ZFAND5: variants seen among roughly 807,000 people sequenced by gnomAD.
The protein encoded by ZFAND5 is AN1-type zinc finger protein 5.
Under a neutral mutation model 23.6 loss-of-function variants are expected in ZFAND5, and 4 were observed. The observed-to-expected ratio is 0.17, with a 90% CI of 0.08 to 0.39. The LOEUF (loss-of-function observed/expected upper bound fraction) is 0.39, where lower values mean the gene tolerates loss of function less well. Ranked by LOEUF, ZFAND5 falls within the 10% of genes least tolerant of loss-of-function variation. The probability of loss-of-function intolerance (pLI) is 1.00; values close to 1 mark genes in which losing one functional copy is unlikely to be tolerated. For synonymous variants in ZFAND5, 68 were observed against 80.6 expected (o/e 0.84, Z 0.84); for missense variants, 161 against 253.7 (o/e 0.63, Z 2.48).
chr9:72,358,292 A>G (rs574429467), intron 5 of ZFAND5, among the ~76,000 whole-genome samples: 2 of 152,232 alleles, frequency 1.3e-5, no homozygotes, highest in East Asian at 1.9e-4. Flanking sequence ...AGAATAATCT[A>G]GGGGAATAGT....
chr9:72,359,641 ATAATC>A (rs1364022977), intron 4 of ZFAND5, 120 bp from the exon 5 acceptor site: 11 of 954,496 alleles, frequency 1.2e-5, no homozygotes, highest in Non-Finnish European at 1.2e-5. Flanking sequence ...ATGGAGCTAG[ATAATC>A]TAAAGTTTAA....
chr9:72,358,372 G>A (rs576402385), intron 5 of ZFAND5, among the ~76,000 whole-genome samples: 38 of 152,136 alleles, frequency 2.5e-4, no homozygotes, highest in African/African-American at 9.2e-4. Flanking sequence ...CGGCTCCTGA[G>A]ACAAGGGAAG....
At position 72,354,324 on chromosome 9, in the gene ZFAND5, T is replaced by G. The variant is rs1841872457; in HGVS notation, c.*1629A>C. On this transcript the variant is annotated 3_prime_UTR_variant, in exon 7 of 7. Transcript: ENST00000376962. ...ATCATACCTGCAAATGCTTCTAATA[T>G]CTCTTGATTATCACTTGAACAAGTT... is the stretch of plus-strand genomic sequence containing the variant. The G allele has an allele frequency of 1.3e-5, 2 of 152,108 alleles. No individual in the cohort carries two copies. Among genetic ancestry groups the G allele is most frequent in the Admixed American group, 1.3e-4 (2 of 15,270 alleles). The allele number at this position is 152,108 out of a possible 1,614,324, so 9.4% of individuals were successfully genotyped here. A position where few individuals can be genotyped will look rare whatever the true frequency, so the allele number is the denominator to read the frequency against.
intron 2 of ZFAND5, among the ~76,000 whole-genome samples, chr9:72,363,137 C>T (rs1406038305): frequency 1.3e-5 from 2 of 152,074 alleles, no homozygotes; most frequent in Non-Finnish European, 2.9e-5. Context: ...AAAAAAGAAT[C>T]CTCATTTAGT....
In ZFAND5 at chr9:72,363,526, G is replaced by T; in HGVS notation, c.-66C>A. The T allele has an allele frequency of 1.4e-6, 1 of 707,412 alleles. No individual in the cohort carries two copies. The highest frequency in any genetic ancestry group is 1.7e-6 in the Non-Finnish European group (1 of 575,842). The allele number at this position is 707,412 out of a possible 1,614,324, so 43.8% of individuals were successfully genotyped here. On this transcript the variant is annotated 5_prime_UTR_variant, in exon 2 of 7. Transcript: ENST00000376962. Reference sequence around the variant, plus strand: ...GTCTGCCACTAAGTCAGTGACCTTGGGCAAGTCCTTACTTTCCAGATTTCA... The same window carrying T: ...GTCTGCCACTAAGTCAGTGACCTTGTGCAAGTCCTTACTTTCCAGATTTCA...
chr9:72,358,746 G>A (rs1587873551), intron 5 of ZFAND5, among the ~76,000 whole-genome samples: 1 of 152,184 alleles, frequency 6.6e-6, no homozygotes, highest in South Asian at 2.1e-4. Context: ...CACAACAGAA[G>A]TTTTATATTG....
In ZFAND5 at chr9:72,354,494, A is replaced by T. The variant is rs1467873239; in HGVS notation, c.*1459T>A. On this transcript the variant is annotated 3_prime_UTR_variant, in exon 7 of 7. Coordinates refer to ENST00000376962, the MANE Select transcript of ZFAND5 (RefSeq NM_001102420.3). ...ACATGGCTTTTATTATTTACATAAT[A>T]CAATATAGCATCAATGCTGAATAGC... The T allele has an allele frequency of 6.5e-6, 1 of 152,692 alleles. No individual in the cohort carries two copies. Among genetic ancestry groups the T allele is most frequent in the East Asian group, 1.9e-4 (1 of 5,198 alleles). 9.5% of individuals were successfully genotyped at this position (152,692 alleles called of 1,614,324 possible).
rs537811032 is a variant in ZFAND5 at position 72,354,673 on chromosome 9, T to C, written c.*1280A>G. On this transcript the variant is annotated 3_prime_UTR_variant, in exon 7 of 7. Coordinates refer to ENST00000376962, the MANE Select transcript of ZFAND5 (RefSeq NM_001102420.3). ...ATTGCAATAAATCAGAAGTAGTGCCTCGTGTACATACTTAACTATTTACAG... is the reference window on the plus strand; with the variant it reads ...ATTGCAATAAATCAGAAGTAGTGCCCCGTGTACATACTTAACTATTTACAG... The C allele has an allele frequency of 5.9e-5, 9 of 152,710 alleles. No homozygotes were observed. In the South Asian group the frequency reaches 1.9e-3, roughly 32 times the overall value. The allele number at this position is 152,710 out of a possible 1,614,324, so 9.5% of individuals were successfully genotyped here.
At position 72,364,756 on chromosome 9, in the gene ZFAND5, G is replaced by A; in HGVS notation, c.-207C>T. 2.0e-6 allele frequency: 1 copy of A among 499,718 alleles called. No individual in the cohort carries two copies. The highest frequency in any genetic ancestry group is 3.8e-5 in the South Asian group (1 of 26,626). The allele number at this position is 499,718 out of a possible 1,614,324, so 31.0% of individuals were successfully genotyped here. A position where few individuals can be genotyped will look rare whatever the true frequency, so the allele number is the denominator to read the frequency against. ...CGCGAAGCCGGCACGATGAGGCCGGGCCGAGGCCTCCGGGAAGGCTGAGCC... is the reference window on the plus strand; with the variant it reads ...CGCGAAGCCGGCACGATGAGGCCGGACCGAGGCCTCCGGGAAGGCTGAGCC... On this transcript the variant is annotated 5_prime_UTR_variant, in exon 1 of 7. Coordinates refer to ENST00000376962, the MANE Select transcript of ZFAND5 (RefSeq NM_001102420.3).
At chr9:72,356,823 C>CTTTTTTT (rs34407229) in intron 6 of ZFAND5, 108 bp downstream of exon 6, 1 of 1,030,454 alleles carries the variant, frequency 9.7e-7, no homozygotes. Context: ...GCTAGTCAGG[C>CTTTTTTT]TTTTTTTTTT....
chr9:72,358,664 T>C (rs1257364258), intron 5 of ZFAND5, among the ~76,000 whole-genome samples: 2 of 152,094 alleles, frequency 1.3e-5, no homozygotes, highest in Non-Finnish European at 2.9e-5. Context: ...ATTAATACAA[T>C]AAACAAACTT....
rs1038971490 is a variant in ZFAND5, at chr9:72,364,931, A to C, written c.-382T>G. On this transcript the variant is annotated 5_prime_UTR_variant, in exon 1 of 7. Coordinates refer to ENST00000376962, the MANE Select transcript of ZFAND5 (RefSeq NM_001102420.3). Reference sequence around the variant, plus strand: ...GGAGCTCGGGAAGTGGGAGGAGGGAAGCGAGGGGGGGCCGAGGAGGAGGTG... The same window carrying C: ...GGAGCTCGGGAAGTGGGAGGAGGGACGCGAGGGGGGGCCGAGGAGGAGGTG... The C allele has an allele frequency of 6.5e-6, 1 of 152,900 alleles. No homozygotes were observed. The highest frequency in any genetic ancestry group is 2.4e-5 in the African/African-American group (1 of 41,410). 9.5% of individuals were successfully genotyped at this position (152,900 alleles called of 1,614,324 possible).
rs118126239 is a variant in ZFAND5, at chr9:72,358,262, T to C, written c.367+1156A>G. On this transcript the variant is annotated intron_variant, in intron 5 of 6. Transcript: ENST00000376962. ...GCTACTGTGACAACATTAATGTTTA[T>C]CCTGATGTCATGAGGATAAAGAATA... is the stretch of plus-strand genomic sequence containing the variant. Among the ~76,000 whole-genome samples, 28 of 152,268 alleles carry C rather than the reference T, an allele frequency of 1.8e-4. No homozygotes were observed. In the East Asian group the frequency reaches 5.2e-3, roughly 28 times the overall value.
chr9:72,357,864 A>C (rs1841989325), intron 5 of ZFAND5, among the ~76,000 whole-genome samples: 1 of 152,144 alleles, frequency 6.6e-6, no homozygotes, highest in Non-Finnish European at 1.5e-5. Flanking sequence ...GGCATCAATA[A>C]AATTTCTCAC....
chr9:72,359,628 C>T, intron 4 of ZFAND5, 107 bp from the exon 5 acceptor site: 1 of 1,016,200 alleles, frequency 9.8e-7, no homozygotes, highest in Non-Finnish European at 1.4e-6. Flanking sequence ...CCAAAATGAG[C>T]AAATGGAGCT....
rs1841894754 is a variant in ZFAND5 at position 72,354,840 on chromosome 9, T to C, written c.*1113A>G. ...CATCAGTGAAGTATACTGCCTTTTC[T>C]AGTTGTTATTGTACAATGCTGTAGA... On this transcript the variant is annotated 3_prime_UTR_variant, in exon 7 of 7. Transcript: ENST00000376962. 6.6e-6 allele frequency: 1 copy of C among 152,648 alleles called. No homozygotes were observed. 9.5% of individuals were successfully genotyped at this position (152,648 alleles called of 1,614,324 possible). A position where few individuals can be genotyped will look rare whatever the true frequency, so the allele number is the denominator to read the frequency against.
chr9:72,355,775 A>G lies in ZFAND5; in HGVS notation c.*178T>C, dbSNP rs1226951503. 4 of 589,362 alleles carry G rather than the reference A, an allele frequency of 6.8e-6. No homozygotes were observed. The highest frequency in any genetic ancestry group is 3.4e-5 in the Admixed American group (1 of 29,294). The allele number at this position is 589,362 out of a possible 1,614,324, so 36.5% of individuals were successfully genotyped here. ...CATATACATTTGTAGGGCTGTATCT[A>G]TCCAATTCTGCCTGTAACAAACACC... is the stretch of plus-strand genomic sequence containing the variant. On this transcript the variant is annotated 3_prime_UTR_variant, in exon 7 of 7. Transcript: ENST00000376962.
At chr9:72,361,647 T>C (rs1284070949) in intron 2 of ZFAND5, among the ~76,000 whole-genome samples, 2 of 152,238 alleles carry the variant, frequency 1.3e-5, no homozygotes, top group African/African-American at 2.4e-5. Flanking sequence ...TATTCAATGC[T>C]GGGTTACCAG....
Position 72,360,187 on chromosome 9 carries a change from A to C in ZFAND5, c.186T>G (p.Asp62Glu). The C allele has an allele frequency of 6.2e-7, 1 of 1,613,186 alleles. No individual in the cohort carries two copies. Residue 62 changes from aspartate (D) to glutamate (E), a missense_variant, in exon 4 of 7, where the codon GAT becomes GAG. Around this residue, in one of 3 missense-constraint regions of ZFAND5, gnomAD observed 116 missense variants for 115.2 expected, o/e 1.01. Transcript: ENST00000376962. The part of the protein sequence containing the change: ...TASGSNSPTS[D>E]SASVQRADTS... ...TGTCTGCTCTCTGTACAGATGCAGA[A>C]TCTGAGGTAGGACTGTTGGAACCAC...
Sources: allele counts gnomAD v4.1 joint callset (sites outside exome capture counted in the v4.1 genomes callset), GRCh38; gene constraint gnomAD v4.1.1; regional missense constraint gnomAD v4.1.1; transcripts MANE v1.5; gene names NCBI Gene and HGNC (gene_info 2026-07-23, HGNC 2026-07-21).